The following ANK3 variants were observed in gnomAD, a reference collection of about 807,000 sequenced individuals.
ANK3 encodes the protein ankyrin-3.
In ANK3, 57 loss-of-function variants were observed where a neutral mutation model predicts 370.9. That is an observed-to-expected ratio of 0.15 (90% CI 0.12 to 0.19). The LOEUF (loss-of-function observed/expected upper bound fraction) is 0.19, where lower values mean the gene tolerates loss of function less well. Among genes scored for constraint, ANK3 ranks in the 10% least tolerant of loss-of-function variants. ANK3 has a pLI of 1.00. For synonymous variants in ANK3, 1,929 were observed against 1,946.3 expected (o/e 0.99, Z 0.23); for missense variants, 4,439 against 5,302.1 (o/e 0.84, Z 5.06).
chr10:60,562,565 C>G (rs374847364), intron 2 of ANK3, among the ~76,000 whole-genome samples: 46 of 152,218 alleles, frequency 3.0e-4, no homozygotes, highest in African/African-American at 1.1e-3. Flanking sequence ...AGGCTCACAC[C>G]ACCACGCCCA....
intron 2 of ANK3, among the ~76,000 whole-genome samples, chr10:60,447,969 T>C (rs939148441): frequency 1.4e-4 from 21 of 152,202 alleles, no homozygotes; most frequent in African/African-American, 5.1e-4. Context: ...CTTAAAATGA[T>C]TGTGCTCTAG....
At chr10:60,533,101 T>C (rs2076645676) in intron 2 of ANK3, among the ~76,000 whole-genome samples, 1 of 152,138 alleles carries the variant, frequency 6.6e-6, no homozygotes, top group Non-Finnish European at 1.5e-5. Flanking sequence ...AGAAGTGCTG[T>C]TCTCATGAAC....
chr10:60,286,417 T>C (rs2040050743), intron 1 of ANK3, among the ~76,000 whole-genome samples: 1 of 152,138 alleles, frequency 6.6e-6, no homozygotes, highest in Admixed American at 6.6e-5. Context: ...ATGTAACATG[T>C]GGGTAATTTA....
rs1450945968 is a variant in ANK3 at position 60,063,266 on chromosome 10, A to G, written c.12452-12T>C. 1.9e-6 allele frequency: 3 copies of G among 1,594,144 alleles called. No homozygotes were observed. The African/African-American group carries it at 4.0e-5, about 22-fold the overall frequency. ...AGTTAAGGCATCAGCTGAAAAGGAG[A>G]AAAAAAGGTTGAAAACCCAATTAAA... is the stretch of plus-strand genomic sequence containing the variant. On this transcript the variant is annotated splice_polypyrimidine_tract_variant and intron_variant, in intron 39 of 43. Transcript: ENST00000280772.
Position 60,389,404 on chromosome 10 carries a change from T to C in ANK3, c.114+21A>G, listed in dbSNP as rs1396921758. 6 of 1,607,982 alleles carry C rather than the reference T, an allele frequency of 3.7e-6. No homozygotes were observed. In the East Asian group the frequency reaches 1.1e-4, roughly 30 times the overall value. On this transcript the variant is annotated intron_variant, in intron 1 of 43. Transcript: ENST00000280772. ...ACAAAAAGAATCCAGGCAAGATATATGCTCTGGCATACATAGATACCTTTT... is the reference window on the plus strand; with the variant it reads ...ACAAAAAGAATCCAGGCAAGATATACGCTCTGGCATACATAGATACCTTTT...
At chr10:60,626,949 C>T (rs993743094) in intron 1 of ANK3, among the ~76,000 whole-genome samples, 19 of 151,804 alleles carry the variant, frequency 1.3e-4, no homozygotes, top group African/African-American at 2.4e-4. Context: ...GAGGTAAAAG[C>T]GGGATCATGA....
At chr10:60,048,866 T>C (rs2077380803) in intron 42 of ANK3, among the ~76,000 whole-genome samples, 1 of 152,216 alleles carries the variant, frequency 6.6e-6, no homozygotes, top group East Asian at 1.9e-4. Flanking sequence ...TCTTCAGTTC[T>C]GAGATCTTGG....
intron 1 of ANK3, among the ~76,000 whole-genome samples, chr10:60,634,877 C>T (rs957972974): frequency 4.6e-5 from 7 of 151,976 alleles, no homozygotes; most frequent in African/African-American, 1.7e-4. Flanking sequence ...CTCCTGAAGT[C>T]AGCGAGAGAA....
intron 2 of ANK3, among the ~76,000 whole-genome samples, chr10:60,400,575 T>C (rs1339104262): frequency 3.9e-5 from 6 of 152,176 alleles, no homozygotes; most frequent in Admixed American, 1.3e-4. Context: ...GTTTTTTTTT[T>C]ACATTACAAT....
chr10:60,714,173 G>T (rs1047501416), intron 1 of ANK3, among the ~76,000 whole-genome samples: 10 of 152,086 alleles, frequency 6.6e-5, no homozygotes, highest in Non-Finnish European at 1.3e-4. Flanking sequence ...AAGACATTTT[G>T]AAATCTACTA....
chr10:60,088,114 A>C, intron 29 of ANK3, 33 bp downstream of exon 29: 4 of 1,576,416 alleles, frequency 2.5e-6, no homozygotes, highest in Non-Finnish European at 3.5e-6. Context: ...CTCTCTGCGC[A>C]TACTGAGGGA....
chr10:60,278,048 G>A (rs1030726387), intron 4 of ANK3, among the ~76,000 whole-genome samples: 3 of 152,158 alleles, frequency 2.0e-5, no homozygotes, highest in African/African-American at 7.2e-5. Flanking sequence ...TAGATTCAAA[G>A]TCTATCAAAT....
intron 1 of ANK3, among the ~76,000 whole-genome samples, chr10:60,312,026 T>C (rs1193864638): frequency 6.6e-6 from 1 of 152,216 alleles, no homozygotes; most frequent in African/African-American, 2.4e-5. Context: ...TAGTAGATGC[T>C]CAATTAATAT....
intron 21 of ANK3, among the ~76,000 whole-genome samples, chr10:60,169,138 T>C (rs1037787064): frequency 6.6e-6 from 1 of 152,198 alleles, no homozygotes; most frequent in Non-Finnish European, 1.5e-5. Flanking sequence ...TATATGATGG[T>C]TGAACTAATT....
intron 2 of ANK3, among the ~76,000 whole-genome samples, chr10:60,444,349 GA>G (rs954433378): frequency 6.8e-6 from 1 of 147,730 alleles, no homozygotes; most frequent in Non-Finnish European, 1.5e-5. Context: ...TAATGCTCCT[GA>G]AAAAAAACCA....
chr10:60,101,117 T>C (rs907488937), intron 28 of ANK3, among the ~76,000 whole-genome samples: 3 of 152,226 alleles, frequency 2.0e-5, no homozygotes, highest in African/African-American at 4.8e-5. Flanking sequence ...GTGTAACCAA[T>C]GTAAAAATTA....
intron 2 of ANK3, among the ~76,000 whole-genome samples, chr10:60,572,083 C>T (rs1186583868): frequency 2.0e-5 from 3 of 152,030 alleles, no homozygotes; most frequent in Non-Finnish European, 4.4e-5. Flanking sequence ...AACATCTATA[C>T]CATAATAATA....
intron 25 of ANK3, among the ~76,000 whole-genome samples, chr10:60,127,887 C>T (rs1409918799): frequency 2.6e-5 from 4 of 151,900 alleles, no homozygotes; most frequent in Admixed American, 1.3e-4. Flanking sequence ...TTAGTACAGA[C>T]GGGGTTTCAC....
intron 23 of ANK3, among the ~76,000 whole-genome samples, chr10:60,148,991 C>T (rs141340609): frequency 1.3e-5 from 2 of 152,322 alleles, no homozygotes; most frequent in African/African-American, 2.4e-5. Flanking sequence ...TACAGGAACA[C>T]GTTAATCACT....
Sources: gnomAD v4.1 joint callset for allele counts (sites outside exome capture counted in the v4.1 genomes callset) on GRCh38, gnomAD v4.1.1 for gene constraint, MANE v1.5 for transcripts, NCBI Gene and HGNC (gene_info 2026-07-23, HGNC 2026-07-21) for gene names.